Variants in HSPA12A observed in about 807,000 individuals in gnomAD.
HSPA12A encodes heat shock 70 kDa protein 12A.
A neutral mutation model predicts 69.2 loss-of-function variants in HSPA12A; 28 were observed. The ratio of observed to expected loss-of-function variants is 0.40; its 90% CI spans 0.30 to 0.55. HSPA12A has a LOEUF of 0.55. HSPA12A is among the 20% of genes least tolerant of loss of function. The pLI, the probability that HSPA12A is intolerant of heterozygous loss-of-function variation, is 0.38. For missense variants in HSPA12A, 686 were observed against 900.7 expected (o/e 0.76, Z 3.05); for synonymous variants, 345 against 370.5 (o/e 0.93, Z 0.79).
rs530664820 is a variant in HSPA12A at position 116,742,272 on chromosome 10, G to A, written c.40+158C>T. Reference sequence around the variant, plus strand: ...CCACCGGACCCCGGCCCCCGGCCCCGCTGCTGCTGACCCCGGCCCCGCCCG... The same window carrying A: ...CCACCGGACCCCGGCCCCCGGCCCCACTGCTGCTGACCCCGGCCCCGCCCG... On this transcript the variant is annotated intron_variant, in intron 1 of 11. Transcript: ENST00000369209. 1.1e-4 allele frequency among the ~76,000 whole-genome samples: 16 copies of A among 151,758 alleles called. 1 individual carries two copies. Among genetic ancestry groups the A allele is most frequent in the Admixed American group, 9.2e-4 (14 of 15,248 alleles).
intron 8 of HSPA12A, 100 bp from the exon 9 acceptor site, chr10:116,681,356 A>T: frequency 1.2e-6 from 1 of 868,194 alleles, no homozygotes; most frequent in Non-Finnish European, 1.9e-6. Context: ...AGTGCCCTCA[A>T]AACTTCTCAT....
At chr10:116,788,259 G>A (rs1246569808) in intron 2 of HSPA12A, among the ~76,000 whole-genome samples, 1 of 152,154 alleles carries the variant, frequency 6.6e-6, no homozygotes, top group Non-Finnish European at 1.5e-5. Context: ...GGTGGAGCTG[G>A]TGAACTGCGC....
At chr10:116,722,071 T>G (rs1554884432) in intron 1 of HSPA12A, among the ~76,000 whole-genome samples, 2 of 152,244 alleles carry the variant, frequency 1.3e-5, no homozygotes, top group African/African-American at 4.8e-5. Context: ...TTTTCATTAC[T>G]GCTGCCCCAC....
At chr10:116,694,843 C>T (rs1257569361) in intron 5 of HSPA12A, among the ~76,000 whole-genome samples, 12 of 152,158 alleles carry the variant, frequency 7.9e-5, no homozygotes, top group Admixed American at 2.0e-4. Flanking sequence ...GCCCTTTTGC[C>T]GCCTGGAACA....
intron 2 of HSPA12A, among the ~76,000 whole-genome samples, chr10:116,762,349 G>A (rs186264587): frequency 2.6e-5 from 4 of 152,166 alleles, no homozygotes; most frequent in Non-Finnish European, 5.9e-5. Context: ...CTGCAAAGGT[G>A]TGTATGTTTT....
chr10:116,752,130 T>C (rs1449757302), intron 2 of HSPA12A, among the ~76,000 whole-genome samples: 1 of 152,152 alleles, frequency 6.6e-6, no homozygotes, highest in Non-Finnish European at 1.5e-5. Flanking sequence ...CTATTTCAGA[T>C]GGGGACGTTG....
At position 116,813,494 on chromosome 10, in the gene HSPA12A, G is replaced by T. The variant is rs112409380; in HGVS notation, c.91+21441C>A. ...GATCTCCTGACCTCGTGATCCACCC[G>T]CCTCAGCCTCCCAAAGTGCTGGGAT... On this transcript the variant is annotated intron_variant, in intron 2 of 12. Coordinates refer to the HSPA12A transcript ENST00000635765. Among the ~76,000 whole-genome samples, 481 of 151,946 alleles carry T rather than the reference G, an allele frequency of 3.2e-3. 4 individuals are homozygous for T. Among genetic ancestry groups the T allele is most frequent in the African/African-American group, 0.011 (450 of 41,496 alleles).
Position 116,701,093 on chromosome 10 carries a change from C to G in HSPA12A, c.291G>C (p.Gln97His). 6.2e-7 allele frequency: 1 copy of G among 1,614,130 alleles called. No homozygotes were observed. The highest frequency in any genetic ancestry group is 8.5e-7 in the Non-Finnish European group (1 of 1,180,028). ...WEGGDPGVSN[Q>H]KTPTTILLTP... is the part of the protein sequence containing the mutation. The stretch of plus-strand genomic sequence containing the variant: ...TCAGCAAGATGGTGGTTGGAGTCTT[C>G]TGATTGGACACACCAGGGTCACCTC... Residue 97 changes from glutamine to histidine, a missense_variant, in exon 4 of 12, where the codon CAG becomes CAC. Transcript: ENST00000369209.
intron 2 of HSPA12A, among the ~76,000 whole-genome samples, chr10:116,784,436 T>C (rs1453398498): frequency 6.6e-6 from 1 of 152,242 alleles, no homozygotes. Flanking sequence ...TATCTTCCTA[T>C]TAGCGTGTAA....
chr10:116,835,089 G>A (rs551980493), intron 1 of HSPA12A: 213 of 996,474 alleles, frequency 2.1e-4, no homozygotes, highest in Admixed American at 1.4e-3. Context: ...CTCTTAAGTC[G>A]CGTACTCGTG....
chr10:116,849,653 G>A (rs960704922), exon 1 of HSPA12A: 4 of 1,550,262 alleles, frequency 2.6e-6, no homozygotes, highest in Non-Finnish European at 2.6e-6. Context: ...ACTACCGGGA[G>A]AACGACGTTC....
chr10:116,713,095 AC>A (rs1850492238), intron 1 of HSPA12A, among the ~76,000 whole-genome samples: 1 of 142,874 alleles, frequency 7.0e-6, no homozygotes, highest in Non-Finnish European at 1.5e-5. Flanking sequence ...AAAAAAAAAA[AC>A]CTCTCTCTCT....
chr10:116,675,024 C>G lies in HSPA12A; in HGVS notation c.1785G>C (p.Gln595His). The G allele has an allele frequency of 3.1e-6, 5 of 1,614,192 alleles. No individual in the cohort carries two copies. Among genetic ancestry groups the G allele is most frequent in the Non-Finnish European group, 4.2e-6 (5 of 1,180,040 alleles). The change falls in exon 12 of 12, where the codon CAG becomes CAC. Residue 595 changes from glutamine to histidine, a missense_variant. Physicochemically the swap from Gln to His is conservative, Grantham distance 24. Coordinates refer to ENST00000369209, the MANE Select transcript of HSPA12A (RefSeq NM_025015.3). This position sits in a 1 kb window ranked among gnomAD's most constrained non-coding sequence, Gnocchi z 5.2. ...TGTAGATGTTGATGACAATGACCAG[C>G]TGGGAGGGCTTGGCCGGGGTGTAGC... ...KRSYTPAKPS[Q>H]LVIVINIYSS...
intron 2 of HSPA12A, among the ~76,000 whole-genome samples, chr10:116,825,512 AAAAC>A (rs910526506): frequency 4.2e-4 from 64 of 152,280 alleles, no homozygotes; most frequent in Middle Eastern, 6.8e-3. Flanking sequence ...CTCTGTCTCA[AAAAC>A]AAACAAACAA....
intron 7 of HSPA12A, among the ~76,000 whole-genome samples, chr10:116,682,519 G>A (rs1346872350): frequency 1.3e-5 from 2 of 151,986 alleles, no homozygotes; most frequent in African/African-American, 2.4e-5. Flanking sequence ...AAGGTGGCGC[G>A]TCTGGGCCTG....
upstream of HSPA12A, among the ~76,000 whole-genome samples, chr10:116,747,203 A>G (rs1464550395): frequency 1.3e-5 from 2 of 152,152 alleles, no homozygotes; most frequent in African/African-American, 2.4e-5. Flanking sequence ...CACATGTACA[A>G]TGTGAGCTGC....
At position 116,723,785 on chromosome 10, in the gene HSPA12A, C is replaced by A. The variant is rs10787725; in HGVS notation, c.41-16500G>T. Among the ~76,000 whole-genome samples, 36,874 of 152,172 alleles carry A rather than the reference C, an allele frequency of 0.24. 5,286 individuals are homozygous for A. Among genetic ancestry groups the A allele is most frequent in the Middle Eastern group, 0.4 (119 of 294 alleles). ...CCTGCTCCTGCAGTCAGCCTCTCCA[C>A]CCGTTCCTTAGATCCCGGCTGCTTC... On this transcript the variant is annotated intron_variant, in intron 1 of 11. Coordinates refer to ENST00000369209, the MANE Select transcript of HSPA12A (RefSeq NM_025015.3). The surrounding 1 kb of genome is among the most constrained non-coding windows in gnomAD (Gnocchi z 4.1).
intron 6 of HSPA12A, among the ~76,000 whole-genome samples, chr10:116,691,633 C>T (rs1201163792): frequency 6.6e-6 from 1 of 152,214 alleles, no homozygotes; most frequent in Non-Finnish European, 1.5e-5. Flanking sequence ...CTGTCCTGTC[C>T]CTGGGACCAT....
chr10:116,828,856 T>C (rs1344359916), intron 2 of HSPA12A: 1 of 152,184 alleles, frequency 6.6e-6, no homozygotes, highest in African/African-American at 2.4e-5. Flanking sequence ...CAACACAAAA[T>C]TTCAACCACA....
Sources: allele counts gnomAD v4.1 joint callset (sites outside exome capture counted in the v4.1 genomes callset), GRCh38; gene constraint gnomAD v4.1.1; non-coding constraint Gnocchi (gnomAD v3.1); transcripts MANE v1.5; gene names NCBI Gene and HGNC (gene_info 2026-07-23, HGNC 2026-07-21).